The following KHDRBS2 variants were observed in gnomAD, a reference collection of about 807,000 sequenced individuals.
KHDRBS2 encodes the protein KH RNA binding domain containing, signal transduction associated 2.
A neutral mutation model predicts 44.3 loss-of-function variants in KHDRBS2; 26 were observed. That is an observed-to-expected ratio of 0.59 (90% CI 0.43 to 0.81). KHDRBS2 has a LOEUF of 0.81. KHDRBS2 is among the 40% of genes least tolerant of loss of function. The probability of loss-of-function intolerance (pLI) is 0.00; values close to 1 mark genes in which losing one functional copy is unlikely to be tolerated. For missense variants in KHDRBS2, 476 were observed against 433.1 expected (o/e 1.10, Z -0.88); for synonymous variants, 194 against 151.1 (o/e 1.28, Z -2.08).
At chr6:62,052,451 T>C (rs1201507211) in intron 2 of KHDRBS2, among the ~76,000 whole-genome samples, 1 of 151,670 alleles carries the variant, frequency 6.6e-6, no homozygotes, top group Middle Eastern at 3.2e-3. Flanking sequence ...CTGTTTACCA[T>C]GGTTGGGGTG....
the KHDRBS2 span, among the ~76,000 whole-genome samples, chr6:61,544,405 T>C: frequency 6.6e-6 from 1 of 152,130 alleles, no homozygotes; most frequent in Non-Finnish European, 1.5e-5. Flanking sequence ...GCTTTTTGTA[T>C]TTTAAAATCA....
intron 4 of KHDRBS2, among the ~76,000 whole-genome samples, chr6:61,932,722 G>A (rs1015456815): frequency 3.9e-5 from 6 of 152,164 alleles, no homozygotes; most frequent in Non-Finnish European, 7.4e-5. Context: ...TGAACCGGGA[G>A]GCGGAGTTTG....
chr6:61,625,823 T>A, the KHDRBS2 span, among the ~76,000 whole-genome samples: 1 of 152,210 alleles, frequency 6.6e-6, no homozygotes, highest in Non-Finnish European at 1.5e-5. Flanking sequence ...GCACATCAGA[T>A]AAGCCTATGA....
chr6:62,238,530 A>G (rs1834067397), intron 1 of KHDRBS2, among the ~76,000 whole-genome samples: 1 of 152,192 alleles, frequency 6.6e-6, no homozygotes, highest in South Asian at 2.1e-4. Context: ...TTCTGGAGAG[A>G]AAGAAAAACT....
intron 6 of KHDRBS2, among the ~76,000 whole-genome samples, chr6:61,765,979 G>T (rs1227948198): frequency 6.6e-6 from 1 of 151,876 alleles, no homozygotes; most frequent in Non-Finnish European, 1.5e-5. Flanking sequence ...TTAGTATCAG[G>T]GTAATACTTG....
chr6:61,877,443 G>GTT (rs201652139), intron 6 of KHDRBS2, among the ~76,000 whole-genome samples: 4 of 147,634 alleles, frequency 2.7e-5, no homozygotes, highest in South Asian at 2.1e-4. Context: ...TTTTTTTTTT[G>GTT]TTTTTGTTTT....
Position 61,797,317 on chromosome 6 carries a change from T to C in KHDRBS2, c.811-64553A>G, listed in dbSNP as rs144243340. On this transcript the variant is annotated intron_variant, in intron 6 of 8. Coordinates refer to ENST00000281156, the MANE Select transcript of KHDRBS2 (RefSeq NM_152688.4). ...ATTCTAATGGCATATTTGAGATGTA[T>C]CTTATTTCAATTAATTTTCATCACA... Among the ~76,000 whole-genome samples the C allele has an allele frequency of 9.5e-3, 1,451 of 152,216 alleles. 9 individuals carry two copies. Among genetic ancestry groups the C allele is most frequent in the Admixed American group, 0.016 (240 of 15,266 alleles).
intron 2 of KHDRBS2, among the ~76,000 whole-genome samples, chr6:62,168,537 C>T (rs548927604): frequency 6.6e-6 from 1 of 152,004 alleles, no homozygotes; most frequent in Non-Finnish European, 1.5e-5. Flanking sequence ...CTAGTAGTAA[C>T]GAAATATAGC....
chr6:62,169,113 ATG>A (rs1207570405), intron 2 of KHDRBS2, among the ~76,000 whole-genome samples: 10 of 142,244 alleles, frequency 7.0e-5, no homozygotes, highest in East Asian at 2.1e-4. Context: ...ATACACATAT[ATG>A]TGTGTATATA....
At chr6:62,282,746 CA>C (rs1351507531) in intron 1 of KHDRBS2, among the ~76,000 whole-genome samples, 1 of 152,044 alleles carries the variant, frequency 6.6e-6, no homozygotes, top group African/African-American at 2.4e-5. Context: ...AAAAAAGTTT[CA>C]AAAATGTGCA....
intron 6 of KHDRBS2, among the ~76,000 whole-genome samples, chr6:61,751,490 G>A (rs1709216067): frequency 1.3e-5 from 2 of 152,158 alleles, no homozygotes; most frequent in Non-Finnish European, 1.5e-5. Context: ...AGAATGTGCC[G>A]AGAAAAGGGG....
At chr6:61,991,418 T>G (rs1295078480) in intron 3 of KHDRBS2, among the ~76,000 whole-genome samples, 1 of 152,250 alleles carries the variant, frequency 6.6e-6, no homozygotes, top group East Asian at 1.9e-4. Context: ...AGAAAAGGCT[T>G]AATGAAGTCT....
At chr6:62,071,673 G>C (rs1795132369) in intron 2 of KHDRBS2, among the ~76,000 whole-genome samples, 2 of 152,092 alleles carry the variant, frequency 1.3e-5, no homozygotes, top group African/African-American at 4.8e-5. Context: ...TTATTTCTGA[G>C]AGCTCTGTTC....
chr6:62,045,190 T>C (rs550550491), intron 3 of KHDRBS2, among the ~76,000 whole-genome samples: 3 of 152,186 alleles, frequency 2.0e-5, no homozygotes, highest in African/African-American at 7.2e-5. Flanking sequence ...GAGCCAGTGA[T>C]TGCGAATTAC....
intron 3 of KHDRBS2, among the ~76,000 whole-genome samples, chr6:62,034,279 A>C (rs1157416430): frequency 6.6e-6 from 1 of 151,936 alleles, no homozygotes; most frequent in East Asian, 1.9e-4. Context: ...TCCTATTGAA[A>C]GTATTCCAAC....
chr6:62,082,677 T>G (rs1480621107), intron 2 of KHDRBS2, among the ~76,000 whole-genome samples: 1 of 152,168 alleles, frequency 6.6e-6, no homozygotes, highest in Non-Finnish European at 1.5e-5. Context: ...GATTTAAATA[T>G]GAAATTCAGA....
At chr6:61,549,831 G>T in the KHDRBS2 span, among the ~76,000 whole-genome samples, 6 of 151,956 alleles carry the variant, frequency 3.9e-5, no homozygotes, top group Admixed American at 2.0e-4. Flanking sequence ...CCATATCAAT[G>T]AACTTTTTGT....
intron 2 of KHDRBS2, among the ~76,000 whole-genome samples, chr6:62,056,687 T>C (rs1419333018): frequency 6.6e-6 from 1 of 152,014 alleles, no homozygotes; most frequent in Non-Finnish European, 1.5e-5. Flanking sequence ...TTTCATATTA[T>C]GTTACAAAAC....
intron 7 of KHDRBS2, among the ~76,000 whole-genome samples, chr6:61,704,786 A>G (rs1237426053): frequency 1.3e-5 from 2 of 151,856 alleles, no homozygotes; most frequent in East Asian, 3.9e-4. Context: ...TTTATTGTGT[A>G]AATAAATGTA....
Sources: gnomAD v4.1 joint callset for allele counts (sites outside exome capture counted in the v4.1 genomes callset) on GRCh38, gnomAD v4.1.1 for gene constraint, MANE v1.5 for transcripts, NCBI Gene and HGNC (gene_info 2026-07-23, HGNC 2026-07-21) for gene names.